Variants in LIMS1 observed in about 807,000 individuals in gnomAD.
LIMS1 encodes LIM and senescent cell antigen-like-containing domain protein 1.
A neutral mutation model predicts 44.1 loss-of-function variants in LIMS1; 18 were observed. The ratio of observed to expected loss-of-function variants is 0.41; its 90% confidence interval spans 0.28 to 0.61. The LOEUF (loss-of-function observed/expected upper bound fraction) is 0.61. LIMS1 is among the 20% of genes least tolerant of loss of function. LIMS1 has a pLI of 0.32. For missense variants in LIMS1, 201 were observed against 422.0 expected, an observed-to-expected ratio of 0.48 and a Z score of 4.59; for synonymous variants, 93 against 149.1, an observed-to-expected ratio of 0.62 and a Z score of 2.74.
At chr2:108,657,740 T>C (rs1691001930) in intron 1 of LIMS1, among the ~76,000 whole-genome samples, 1 of 152,410 alleles carries the variant, frequency 6.6e-6, no homozygotes, top group East Asian at 1.9e-4. Context: ...CTTCCTTCCT[T>C]TTTTTTGTGA....
intron 8 of LIMS1, among the ~76,000 whole-genome samples, chr2:108,680,365 CAAAAAAAAAA>C (rs35982119): frequency 1.5e-5 from 1 of 68,212 alleles, no homozygotes; most frequent in East Asian, 4.7e-4. Context: ...GATTCCGTCT[CAAAAAAAAAA>C]AAAAAAAAAA....
At position 108,577,382 on chromosome 2, in the gene LIMS1, A is replaced by G. The variant is rs536026880; in HGVS notation, c.32+42788A>G. Among the ~76,000 whole-genome samples the G allele has an allele frequency of 8.8e-4, 134 of 152,350 alleles. 1 individual carries two copies. Among genetic ancestry groups the G allele is most frequent in the Middle Eastern group, 3.4e-3 (1 of 294 alleles). On this transcript the variant is annotated intron_variant, in intron 1 of 9. Coordinates refer to ENST00000544547, the Ensembl canonical transcript of LIMS1. The stretch of plus-strand genomic sequence containing the variant: ...TGCTGCCTCTGCTGTGTCACGACAG[A>G]ATATTGCAATATGTTTTGTGTGTAC...
chr2:108,649,928 G>A (rs754581478), intron 1 of LIMS1, among the ~76,000 whole-genome samples: 1 of 152,116 alleles, frequency 6.6e-6, no homozygotes, highest in Non-Finnish European at 1.5e-5. Context: ...TAACAAACCT[G>A]CACGTTCTGC....
intron 7 of LIMS1, 22 bp from the exon 8 acceptor site, chr2:108,677,957 G>C: frequency 1.3e-6 from 2 of 1,590,592 alleles, no homozygotes; most frequent in Non-Finnish European, 8.5e-7. Flanking sequence ...CTTGAACTTT[G>C]ACCACCTTTT....
At chr2:108,626,344 A>G (rs1688574567) in intron 1 of LIMS1, among the ~76,000 whole-genome samples, 1 of 152,248 alleles carries the variant, frequency 6.6e-6, no homozygotes, top group Non-Finnish European at 1.5e-5. Flanking sequence ...AGTCTTCCCA[A>G]CAATGAGCAA....
At chr2:108,588,416 G>A (rs1408048116) in intron 1 of LIMS1, 1 of 985,322 alleles carries the variant, frequency 1.0e-6, no homozygotes, top group African/African-American at 1.7e-5. Flanking sequence ...GGCCTCCCAA[G>A]CCCTGATAAG....
At chr2:108,547,610 T>C (rs1273473918) in intron 1 of LIMS1, among the ~76,000 whole-genome samples, 2 of 152,236 alleles carry the variant, frequency 1.3e-5, no homozygotes, top group Non-Finnish European at 1.5e-5. Context: ...TAGGTTAAAA[T>C]TTAGCCTGGT....
At chr2:108,572,793 A>G (rs1685526960) in intron 1 of LIMS1, among the ~76,000 whole-genome samples, 2 of 152,128 alleles carry the variant, frequency 1.3e-5, no homozygotes, top group Non-Finnish European at 1.5e-5. Context: ...GTGTAGGAAA[A>G]CATTTTGAGA....
At chr2:108,667,619 T>C (rs1319603656) in intron 2 of LIMS1, among the ~76,000 whole-genome samples, 1 of 151,218 alleles carries the variant, frequency 6.6e-6, no homozygotes, top group Non-Finnish European at 1.5e-5. Flanking sequence ...TCTTTCTCTT[T>C]CATTTAATAC....
intron 1 of LIMS1, among the ~76,000 whole-genome samples, chr2:108,549,275 G>GTTTT (rs1558782542): frequency 6.9e-5 from 6 of 86,486 alleles, no homozygotes; most frequent in Admixed American, 1.5e-4. Flanking sequence ...CAAGTAAAGT[G>GTTTT]TTTCTTTTTT....
chr2:108,625,328 A>G (rs1463429632), intron 1 of LIMS1, among the ~76,000 whole-genome samples: 1 of 152,204 alleles, frequency 6.6e-6, no homozygotes, highest in Non-Finnish European at 1.5e-5. Context: ...GTTTTCTGCT[A>G]CGCTGGCAAA....
In LIMS1 at chr2:108,613,896, C is replaced by G. The variant is rs2148857667; in HGVS notation, c.33-45709C>G. 1.3e-5 allele frequency among the ~76,000 whole-genome samples: 2 copies of G among 152,180 alleles called. 1 individual carries two copies. The highest frequency in any genetic ancestry group is 4.2e-4 in the South Asian group (2 of 4,804). On this transcript the variant is annotated intron_variant, in intron 1 of 9. Coordinates refer to ENST00000544547, the Ensembl canonical transcript of LIMS1. ...TGCCCCTGCTGTCCTGCTCCCCTCC[C>G]TGCTGTCAGCATCCACTCTGCACCC...
chr2:108,644,253 G>T (rs538865803), intron 1 of LIMS1, among the ~76,000 whole-genome samples: 17 of 152,262 alleles, frequency 1.1e-4, no homozygotes, highest in African/African-American at 3.4e-4. Flanking sequence ...ACCTCATACA[G>T]GAGAGCTCTG....
chr2:108,657,906 G>A (rs1691020811), intron 1 of LIMS1: 1 of 152,092 alleles, frequency 6.6e-6, no homozygotes, highest in Admixed American at 6.5e-5. Flanking sequence ...CAAAGGGAAA[G>A]TTGTCTTCCA....
intron 1 of LIMS1, among the ~76,000 whole-genome samples, chr2:108,547,283 A>G (rs1396915487): frequency 6.6e-6 from 1 of 152,178 alleles, no homozygotes. Flanking sequence ...ACCCTTCATC[A>G]CCAAGGGATG....
chr2:108,590,746 A>C (rs924342661), intron 1 of LIMS1, among the ~76,000 whole-genome samples: 2 of 152,188 alleles, frequency 1.3e-5, no homozygotes, highest in African/African-American at 2.4e-5. Flanking sequence ...AGAGTCCTCC[A>C]TTGCCTTTCC....
intron 1 of LIMS1, among the ~76,000 whole-genome samples, chr2:108,571,330 G>T (rs1032256445): frequency 6.6e-6 from 1 of 152,202 alleles, no homozygotes; most frequent in Non-Finnish European, 1.5e-5. Context: ...CTTTACAGGT[G>T]TGAGTCTTCC....
chr2:108,642,358 GTT>G (rs1199203526), intron 1 of LIMS1, among the ~76,000 whole-genome samples: 11 of 18,470 alleles, frequency 6.0e-4, no homozygotes, highest in African/African-American at 1.0e-3. Flanking sequence ...TTTTTTTTTT[GTT>G]TTTTGTTTTT....
chr2:108,662,512 T>C (rs899843025), intron 2 of LIMS1: 20 of 1,328,468 alleles, frequency 1.5e-5, no homozygotes, highest in Middle Eastern at 2.8e-4. Context: ...CAGTTCAAGA[T>C]CTGTTGGGTC....
Sources: gnomAD v4.1 joint callset for allele counts (sites outside exome capture counted in the v4.1 genomes callset) on GRCh38, gnomAD v4.1.1 for gene constraint, MANE v1.5 for transcripts, NCBI Gene and HGNC (gene_info 2026-07-23, HGNC 2026-07-21) for gene names.